The following PDZD9 variants were observed in gnomAD, a reference collection of about 807,000 sequenced individuals.
The protein encoded by PDZD9 is PDZ domain-containing protein 9.
In PDZD9, 13 loss-of-function variants were observed where a neutral mutation model predicts 16.3. The observed-to-expected ratio is 0.80, with a 90% CI of 0.52 to 1.27. The LOEUF is 1.27. Among genes scored for constraint, PDZD9 ranks in the 50% most tolerant of loss-of-function variants. The pLI, the probability that PDZD9 is intolerant of heterozygous loss-of-function variation, is 0.00. For missense variants in PDZD9, 288 were observed against 310.9 expected, an observed-to-expected ratio of 0.93 and a Z score of 0.55; for synonymous variants, 120 against 111.0, an observed-to-expected ratio of 1.08 and a Z score of -0.51.
downstream of PDZD9, chr16:21,980,608 G>A (rs1491000935): frequency 3.1e-6 from 5 of 1,614,192 alleles, no homozygotes; most frequent in Non-Finnish European, 4.2e-6. Context: ...CCTGGAAGAA[G>A]TCGGGTCCCA....
chr16:21,980,793 A>AT (rs1241956035), downstream of PDZD9: 1 of 1,455,354 alleles, frequency 6.9e-7, no homozygotes, highest in Non-Finnish European at 9.3e-7. Context: ...TGGGCAGTGT[A>AT]TTATTCTTAT....
At chr16:21,960,591 C>T in the PDZD9 span, among the ~76,000 whole-genome samples, 3 of 152,144 alleles carry the variant, frequency 2.0e-5, no homozygotes, top group Admixed American at 1.3e-4. Flanking sequence ...GACCTGTATC[C>T]GTTTTTAACA....
At chr16:21,989,674 G>A (rs1235309541) in intron 2 of PDZD9, among the ~76,000 whole-genome samples, 1 of 152,172 alleles carries the variant, frequency 6.6e-6, no homozygotes, top group Non-Finnish European at 1.5e-5. Flanking sequence ...TGTAAGATGT[G>A]TATGCAGTGA....
At chr16:21,987,426 A>G (rs1260774583) in intron 3 of PDZD9, among the ~76,000 whole-genome samples, 2 of 151,536 alleles carry the variant, frequency 1.3e-5, no homozygotes, top group Non-Finnish European at 2.9e-5. Flanking sequence ...GTCTCCAAGA[A>G]AAAAAAAATA....
downstream of PDZD9, chr16:21,982,963 CAAAAAAA>C: frequency 9.4e-5 from 50 of 529,964 alleles, no homozygotes; most frequent in Admixed American, 1.8e-4. Flanking sequence ...GACTCCACCT[CAAAAAAA>C]AAAAAAAAAA....
chr16:21,967,540 C>G, the PDZD9 span, among the ~76,000 whole-genome samples: 1 of 151,894 alleles, frequency 6.6e-6, no homozygotes. Context: ...GTATATTAAG[C>G]CTAAGGTGGT....
At chr16:21,964,653 G>A in the PDZD9 span, among the ~76,000 whole-genome samples, 1 of 152,094 alleles carries the variant, frequency 6.6e-6, no homozygotes, top group African/African-American at 2.4e-5. Flanking sequence ...CTGTAAGATG[G>A]ATCCCACATA....
At chr16:21,970,455 C>T in the PDZD9 span, among the ~76,000 whole-genome samples, 1 of 152,304 alleles carries the variant, frequency 6.6e-6, no homozygotes, top group African/African-American at 2.4e-5. Flanking sequence ...CAACACTTAT[C>T]GTCTGTCTTT....
At chr16:21,971,987 C>T in the PDZD9 span, 9 of 1,614,102 alleles carry the variant, frequency 5.6e-6, no homozygotes, top group South Asian at 3.3e-5. Context: ...AAAGTGCTGT[C>T]GCGGGAAGTG....
chr16:21,966,318 G>T, the PDZD9 span, among the ~76,000 whole-genome samples: 1 of 151,924 alleles, frequency 6.6e-6, no homozygotes, highest in South Asian at 2.1e-4. Context: ...ACCAGCCTCC[G>T]TTTGCTGGCT....
chr16:21,959,751 A>C, the PDZD9 span: 1 of 152,258 alleles, frequency 6.6e-6, no homozygotes, highest in East Asian at 1.9e-4. Flanking sequence ...TTAAATAATA[A>C]GACTTGAAAA....
chr16:21,984,141 C>A lies in PDZD9; in HGVS notation c.*126G>T. 9.5e-7 allele frequency: 1 copy of A among 1,047,692 alleles called. No individual in the cohort carries two copies. Among genetic ancestry groups the A allele is most frequent in the Non-Finnish European group, 1.4e-6 (1 of 732,426 alleles). 64.9% of individuals were successfully genotyped at this position (1,047,692 alleles called of 1,614,324 possible). ...AAGAACATCTCTAAAGGCTTTATAA[C>A]GCAGTCATAAGAGAAGAGAATTGGT... On this transcript the variant is annotated 3_prime_UTR_variant, in exon 4 of 4. Coordinates refer to ENST00000424898, the MANE Select transcript of PDZD9 (RefSeq NM_001363519.1).
At chr16:21,985,299 TA>T (rs1898850387) in intron 3 of PDZD9, among the ~76,000 whole-genome samples, 2 of 151,982 alleles carry the variant, frequency 1.3e-5, no homozygotes, top group Admixed American at 1.3e-4. Flanking sequence ...AATTTTTATT[TA>T]TTTTTATTTA....
downstream of PDZD9, chr16:21,983,045 T>C (rs748543992): frequency 6.3e-7 from 1 of 1,576,148 alleles, no homozygotes; most frequent in Non-Finnish European, 8.7e-7. Flanking sequence ...ATGATATATA[T>C]TTTTATTTTT....
At chr16:21,973,147 A>G in the PDZD9 span, among the ~76,000 whole-genome samples, 1 of 152,178 alleles carries the variant, frequency 6.6e-6, no homozygotes, top group Admixed American at 6.5e-5. Context: ...GTGCCTTCTT[A>G]TGCTTTACGT....
chr16:21,974,876 T>G, the PDZD9 span, among the ~76,000 whole-genome samples: 1 of 152,170 alleles, frequency 6.6e-6, no homozygotes, highest in Non-Finnish European at 1.5e-5. Flanking sequence ...GATGGGGAAG[T>G]ACCTCCTCAG....
chr16:21,987,185 C>T (rs1205536482), intron 3 of PDZD9, among the ~76,000 whole-genome samples: 1 of 152,096 alleles, frequency 6.6e-6, no homozygotes, highest in African/African-American at 2.4e-5. Context: ...TTTGAGAGGC[C>T]GAGGCAGGCA....
chr16:21,977,195 A>G, the PDZD9 span, among the ~76,000 whole-genome samples: 1 of 152,086 alleles, frequency 6.6e-6, no homozygotes, highest in Non-Finnish European at 1.5e-5. Flanking sequence ...TTACAAAAAG[A>G]TATTTAAAAC....
chr16:21,969,156 G>T, the PDZD9 span, among the ~76,000 whole-genome samples: 1 of 152,242 alleles, frequency 6.6e-6, no homozygotes, highest in African/African-American at 2.4e-5. Flanking sequence ...ATTAACCAGG[G>T]TATGGAGAAA....
Sources: allele counts gnomAD v4.1 joint callset (sites outside exome capture counted in the v4.1 genomes callset), GRCh38; gene constraint gnomAD v4.1.1; transcripts MANE v1.5; gene names NCBI Gene and HGNC (gene_info 2026-07-23, HGNC 2026-07-21).